The following MICAL2 variants were observed in gnomAD, a reference collection of about 807,000 sequenced individuals.
The protein encoded by MICAL2 is microtubule associated monooxygenase, calponin and LIM domain containing 2.
MICAL2 carries 77 observed loss-of-function variants against 127.3 expected under a neutral mutation model. The ratio of observed to expected loss-of-function variants is 0.60; its 90% CI spans 0.50 to 0.73. MICAL2 has a LOEUF of 0.73. Ranked by LOEUF, MICAL2 falls within the 30% of genes least tolerant of loss-of-function variation. The pLI, the probability that MICAL2 is intolerant of heterozygous loss-of-function variation, is 0.00. For missense variants in MICAL2, 1,351 were observed against 1,434.4 expected (o/e 0.94, Z 0.94); for synonymous variants, 570 against 551.1 (o/e 1.03, Z -0.48).
intron 2 of MICAL2, chr11:12,161,637 G>A (rs779197643): frequency 6.4e-6 from 1 of 157,240 alleles, no homozygotes; most frequent in Non-Finnish European, 1.4e-5. Flanking sequence ...GTGCCTTAGT[G>A]TAATGTGGCT....
intron 15 of MICAL2, among the ~76,000 whole-genome samples, chr11:12,228,503 G>A (rs548912748): frequency 5.3e-5 from 8 of 152,188 alleles, no homozygotes; most frequent in African/African-American, 1.7e-4. Flanking sequence ...GAAGTAATGT[G>A]AGCCTTGACC....
intron 18 of MICAL2, among the ~76,000 whole-genome samples, chr11:12,241,660 T>C (rs1165704763): frequency 6.6e-6 from 1 of 152,134 alleles, no homozygotes; most frequent in African/African-American, 2.4e-5. Flanking sequence ...GAGTATGGCT[T>C]ATGGCAGGTA....
intron 33 of MICAL2, among the ~76,000 whole-genome samples, chr11:12,351,180 G>A (rs1408435802): frequency 4.6e-5 from 7 of 152,146 alleles, no homozygotes; most frequent in Non-Finnish European, 1.0e-4. Flanking sequence ...GGGTTAGGAC[G>A]TGGACATATC....
At chr11:12,136,211 G>A (rs2133587680) in intron 1 of MICAL2, among the ~76,000 whole-genome samples, 1 of 152,226 alleles carries the variant, frequency 6.6e-6, no homozygotes, top group East Asian at 1.9e-4. Context: ...CAAGTCCAAG[G>A]AGAGACAGCA....
At chr11:12,269,393 AAAG>A (rs1479325380) in intron 24 of MICAL2, among the ~76,000 whole-genome samples, 2 of 152,232 alleles carry the variant, frequency 1.3e-5, no homozygotes, top group African/African-American at 2.4e-5. Flanking sequence ...AGAGGGAAGA[AAAG>A]AAGCAGGTTC....
intron 1 of MICAL2, among the ~76,000 whole-genome samples, chr11:12,137,031 A>G (rs12282633): frequency 0.31 from 47,088 of 152,056 alleles, 7,426 homozygotes; most frequent in Middle Eastern, 0.36. Context: ...CAGATCCCAG[A>G]AGCTTCCCTT....
At chr11:12,360,218 A>G (rs1939187959), downstream of MICAL2, among the ~76,000 whole-genome samples, 1 of 151,722 alleles carries the variant, frequency 6.6e-6, no homozygotes, top group Non-Finnish European at 1.5e-5. Context: ...AAACTGTACC[A>G]CTTCTGGATA....
intron 32 of MICAL2, among the ~76,000 whole-genome samples, chr11:12,347,738 G>A (rs562989377): frequency 3.0e-4 from 45 of 152,072 alleles, no homozygotes; most frequent in South Asian, 4.2e-4. Context: ...ATTATATAAC[G>A]TATACTACAG....
chr11:12,263,034 C>G (rs913069283), intron 27 of MICAL2: 2 of 156,994 alleles, frequency 1.3e-5, no homozygotes, highest in African/African-American at 4.8e-5. Flanking sequence ...ATTTAAAAAA[C>G]TTAATTACTC....
chr11:12,167,235 TCA>T (rs796068103), intron 3 of MICAL2, among the ~76,000 whole-genome samples: 23,646 of 152,126 alleles, frequency 0.16, 2,295 homozygotes, highest in Admixed American at 0.21. Flanking sequence ...TGGACTCTTG[TCA>T]CCAGCAGGAA....
In MICAL2 at chr11:12,226,205, G is replaced by C; in HGVS notation, c.1723G>C (p.Glu575Gln). 1.2e-6 allele frequency: 2 copies of C among 1,614,250 alleles called. No homozygotes were observed. The highest frequency in any genetic ancestry group is 1.1e-5 in the South Asian group (1 of 91,088). Residue 575 changes from glutamate (E) to glutamine (Q), a missense_variant, in exon 14 of 28, where the codon GAG (glutamate) becomes CAG (glutamine). Transcript: ENST00000683283. Reference sequence around the variant, plus strand: ...CTCTTTGAATGAAGATGATGCTGTGGAGAACAACCAGCTCGCATTTGATGT... The same window carrying C: ...CTCTTTGAATGAAGATGATGCTGTGCAGAACAACCAGCTCGCATTTGATGT... ...FDSLNEDDAV[E>Q]NNQLAFDVAE... is the part of the protein sequence containing the mutation.
intron 2 of MICAL2, among the ~76,000 whole-genome samples, chr11:12,159,143 C>T (rs188491028): frequency 9.8e-5 from 15 of 152,354 alleles, no homozygotes; most frequent in Non-Finnish European, 1.9e-4. Context: ...GGAGCTCCCA[C>T]GCCTATCCAG....
intron 21 of MICAL2, 96 bp from the exon 22 acceptor site, chr11:12,249,088 G>A: frequency 2.0e-6 from 3 of 1,534,534 alleles, no homozygotes; most frequent in Non-Finnish European, 2.7e-6. Flanking sequence ...CAAAATGCCT[G>A]AAGTATCCTG....
At chr11:12,288,565 G>A (rs921242896), downstream of MICAL2, among the ~76,000 whole-genome samples, 14 of 152,298 alleles carry the variant, frequency 9.2e-5, no homozygotes, top group South Asian at 4.1e-4. Context: ...ATTGCACAGC[G>A]TTTCTCGAGA....
chr11:12,204,906 C>T (rs1590339421), intron 4 of MICAL2, among the ~76,000 whole-genome samples: 2 of 152,138 alleles, frequency 1.3e-5, no homozygotes, highest in East Asian at 1.9e-4. Context: ...CCACACAAAA[C>T]CATTAATGGG....
chr11:12,220,292 C>G lies in MICAL2; in HGVS notation c.1040C>G (p.Thr347Ser), dbSNP rs755143345. The G allele has an allele frequency of 1.9e-6, 3 of 1,614,220 alleles. No individual in the cohort carries two copies. Among genetic ancestry groups the G allele is most frequent in the Non-Finnish European group, 2.5e-6 (3 of 1,180,042 alleles). Reference protein sequence around the residue: ...SYAREAADFATNYQLPSLDFA... With the variant: ...SYAREAADFASNYQLPSLDFA... ...GCCCGGGAAGCTGCAGACTTTGCCACCAACTACCAGCTGCCATCCTTAGAC... is the reference window on the plus strand; with the variant it reads ...GCCCGGGAAGCTGCAGACTTTGCCAGCAACTACCAGCTGCCATCCTTAGAC... Residue 347 changes from threonine to serine, a missense_variant, in exon 9 of 28, where the codon ACC (threonine) becomes AGC (serine). By Grantham distance (58) the Thr-to-Ser change is moderately conservative. Around this residue, in one of 2 missense-constraint regions of MICAL2, gnomAD observed 599 missense variants for 714.9 expected, o/e 0.84. Transcript: ENST00000683283.
At chr11:12,156,581 C>T (rs1854206385) in intron 2 of MICAL2, among the ~76,000 whole-genome samples, 1 of 152,176 alleles carries the variant, frequency 6.6e-6, no homozygotes, top group African/African-American at 2.4e-5. Flanking sequence ...CCTCTCAGTC[C>T]CTTCCCTACC....
At chr11:12,320,167 T>G (rs1209835397) in intron 30 of MICAL2, among the ~76,000 whole-genome samples, 1 of 152,162 alleles carries the variant, frequency 6.6e-6, no homozygotes, top group African/African-American at 2.4e-5. Context: ...AAGCACAGCT[T>G]CATTTAAGAA....
At chr11:12,215,848 A>G (rs1380967811) in intron 7 of MICAL2, among the ~76,000 whole-genome samples, 1 of 152,220 alleles carries the variant, frequency 6.6e-6, no homozygotes, top group Admixed American at 6.5e-5. Flanking sequence ...CACAGTGGAC[A>G]GGACTTGGAG....
Sources: gnomAD v4.1 joint callset for allele counts (sites outside exome capture counted in the v4.1 genomes callset) on GRCh38, gnomAD v4.1.1 for gene constraint, gnomAD v4.1.1 regional missense constraint, MANE v1.5 for transcripts, NCBI Gene and HGNC (gene_info 2026-07-23, HGNC 2026-07-21) for gene names.